The following RMND1 variants were observed in gnomAD, a reference collection of about 807,000 sequenced individuals.
RMND1 encodes required for meiotic nuclear division protein 1 homolog.
In RMND1, 41 loss-of-function variants were observed where a neutral mutation model predicts 54.0. That is an observed-to-expected ratio of 0.76 (90% CI 0.59 to 0.98). The LOEUF is 0.98. Ranked by LOEUF, RMND1 falls within the 50% of genes least tolerant of loss-of-function variation. The pLI, the probability that RMND1 is intolerant of heterozygous loss-of-function variation, is 0.00. For missense variants in RMND1, 457 were observed against 532.0 expected (o/e 0.86, Z 1.39); for synonymous variants, 183 against 181.7 (o/e 1.01, Z -0.06).
At chr6:151,417,504 T>G (rs78515249) in intron 9 of RMND1, 105 bp from the exon 10 acceptor site, 1 of 825,526 alleles carries the variant, frequency 1.2e-6, no homozygotes, top group Non-Finnish European at 1.8e-6. Context: ...TTTTTTTTTT[T>G]GGTAAGAGAG....
intron 5 of RMND1, among the ~76,000 whole-genome samples, chr6:151,428,467 G>A (rs1223583584): frequency 6.6e-6 from 1 of 152,152 alleles, no homozygotes; most frequent in Non-Finnish European, 1.5e-5. Context: ...TTGTGCAAAG[G>A]TCTTCATGGC....
intron 1 of RMND1, among the ~76,000 whole-genome samples, chr6:151,446,495 A>C (rs980190923): frequency 6.6e-6 from 1 of 152,096 alleles, no homozygotes; most frequent in Non-Finnish European, 1.5e-5. Flanking sequence ...GGTGCTTTTC[A>C]GCTTGGGGCT....
chr6:151,415,988 G>T (rs893722325), intron 10 of RMND1, among the ~76,000 whole-genome samples: 1 of 151,148 alleles, frequency 6.6e-6, no homozygotes, highest in Non-Finnish European at 1.5e-5. Flanking sequence ...TTTTTGTTTT[G>T]TTTTTTTTGA....
At chr6:151,434,935 A>G (rs9479041) in intron 3 of RMND1, among the ~76,000 whole-genome samples, 80,773 of 151,506 alleles carry the variant, frequency 0.53, 23,995 homozygotes, top group African/African-American at 0.8. Context: ...TGCAACCTCC[A>G]CCTCCCAGGT....
intron 10 of RMND1, chr6:151,416,998 G>A (rs958934967): frequency 7.5e-5 from 19 of 253,536 alleles, no homozygotes; most frequent in African/African-American, 4.0e-4. Context: ...CAGATCAGAA[G>A]CAGTCATGAA....
intron 10 of RMND1, chr6:151,416,909 T>C (rs1490838740): frequency 6.4e-6 from 1 of 157,412 alleles, no homozygotes; most frequent in East Asian, 1.8e-4. Flanking sequence ...TTCTTCTCCA[T>C]GGCCTCTTAT....
chr6:151,427,997 T>G (rs986606370), intron 5 of RMND1, among the ~76,000 whole-genome samples: 3 of 152,076 alleles, frequency 2.0e-5, no homozygotes, highest in Admixed American at 2.0e-4. Context: ...AAAAATTATC[T>G]GGGTGTGGTG....
chr6:151,441,251 T>TA (rs1780769646), intron 2 of RMND1, among the ~76,000 whole-genome samples: 1 of 152,222 alleles, frequency 6.6e-6, no homozygotes, highest in African/African-American at 2.4e-5. Context: ...ATTAGTGTGT[T>TA]ACAGCAATGT....
intron 5 of RMND1, 50 bp downstream of exon 5, chr6:151,430,088 A>T (rs1335987767): frequency 8.2e-7 from 1 of 1,222,108 alleles, no homozygotes; most frequent in South Asian, 1.3e-5. Flanking sequence ...TTAACAATTC[A>T]TTCTCACAAA....
At chr6:151,450,025 T>C (rs1290411229) in intron 1 of RMND1, among the ~76,000 whole-genome samples, 1 of 152,134 alleles carries the variant, frequency 6.6e-6, no homozygotes. Flanking sequence ...GCCGCCTGCC[T>C]TGGCCTCCCA....
chr6:151,450,640 G>A (rs1425110221), intron 1 of RMND1, among the ~76,000 whole-genome samples: 194 of 146,432 alleles, frequency 1.3e-3, no homozygotes, highest in African/African-American at 4.6e-3. Context: ...GCCTCTGCCC[G>A]GCCGCCCCTA....
chr6:151,421,795 T>C (rs915030248), intron 8 of RMND1, among the ~76,000 whole-genome samples: 2 of 152,130 alleles, frequency 1.3e-5, no homozygotes, highest in African/African-American at 2.4e-5. Context: ...ACATTTCACT[T>C]TTTTCTTTAA....
At chr6:151,437,852 C>T (rs1382492730) in intron 2 of RMND1, among the ~76,000 whole-genome samples, 1 of 152,136 alleles carries the variant, frequency 6.6e-6, no homozygotes, top group Non-Finnish European at 1.5e-5. Flanking sequence ...AGAGGAATAA[C>T]AGAGAACCTG....
At chr6:151,451,554 C>G (rs557241646) in intron 1 of RMND1, among the ~76,000 whole-genome samples, 51 of 152,228 alleles carry the variant, frequency 3.4e-4, no homozygotes, top group African/African-American at 1.2e-3. Context: ...CCTGAGGATA[C>G]GGATTTGTGT....
At position 151,445,381 on chromosome 6, in the gene RMND1, A is replaced by C; in HGVS notation, c.431T>G (p.Val144Gly). 2 of 1,613,960 alleles carry C rather than the reference A, an allele frequency of 1.2e-6. No individual in the cohort carries two copies. The highest frequency in any genetic ancestry group is 1.7e-6 in the Non-Finnish European group (2 of 1,179,870). The change falls in exon 2 of 12, where the codon GTG becomes GGG. Residue 144 changes from valine to glycine, a missense_variant. Val to Gly is a moderately radical substitution (Grantham distance 109). Transcript: ENST00000444024. ...TFVPKQDFPQ[V>G]KRPLKASRTR... ...CCTGGATGCTTTTAGTGGTCTCTTC[A>C]CCTGTGGGAAGTCTTGTTTTGGAAC...
chr6:151,425,380 G>A (rs1780264413), intron 6 of RMND1, among the ~76,000 whole-genome samples: 1 of 152,040 alleles, frequency 6.6e-6, no homozygotes, highest in Non-Finnish European at 1.5e-5. Flanking sequence ...CTGACTCTGG[G>A]ATCCTAAGCA....
Position 151,445,373 on chromosome 6 carries a change from G to C in RMND1, c.439C>G (p.Pro147Ala), listed in dbSNP as rs759822198. The C allele has an allele frequency of 7.4e-6, 12 of 1,613,856 alleles. No homozygotes were observed. Among genetic ancestry groups the C allele is most frequent in the Admixed American group, 1.7e-5 (1 of 59,992 alleles). Reference protein sequence around the residue: ...PKQDFPQVKRPLKASRTRQPS... With the variant: ...PKQDFPQVKRALKASRTRQPS... ...TGTCTGGTCCTGGATGCTTTTAGTGGTCTCTTCACCTGTGGGAAGTCTTGT... is the reference window on the plus strand; with the variant it reads ...TGTCTGGTCCTGGATGCTTTTAGTGCTCTCTTCACCTGTGGGAAGTCTTGT... Residue 147 changes from proline (P) to alanine (A), a missense_variant, in exon 2 of 12, where the codon CCA becomes GCA. Transcript: ENST00000444024.
chr6:151,430,004 G>A (rs997801944), intron 5 of RMND1, 134 bp downstream of exon 5: 4 of 609,098 alleles, frequency 6.6e-6, no homozygotes, highest in East Asian at 2.8e-5. Flanking sequence ...AAACTGATAA[G>A]TATCATGTAA....
At chr6:151,427,249 A>G (rs1780327425) in intron 6 of RMND1, among the ~76,000 whole-genome samples, 1 of 151,810 alleles carries the variant, frequency 6.6e-6, no homozygotes, top group African/African-American at 2.4e-5. Context: ...GGTGGTGCAC[A>G]CCTGTAGTCC....
Sources: allele counts gnomAD v4.1 joint callset (sites outside exome capture counted in the v4.1 genomes callset), GRCh38; gene constraint gnomAD v4.1.1; transcripts MANE v1.5; gene names NCBI Gene and HGNC (gene_info 2026-07-23, HGNC 2026-07-21).